The following RUNX2 variants were observed in gnomAD, a reference collection of about 807,000 sequenced individuals.
RUNX2 encodes the protein runt-related transcription factor 2.
In RUNX2, 10 loss-of-function variants were observed where a neutral mutation model predicts 51.7. That is an observed-to-expected ratio of 0.19 (90% CI 0.12 to 0.33). RUNX2 has a LOEUF of 0.33. Ranked by LOEUF, RUNX2 falls within the 10% of genes least tolerant of loss-of-function variation. The probability of loss-of-function intolerance (pLI) is 1.00; values close to 1 mark genes in which losing one functional copy is unlikely to be tolerated. For synonymous variants in RUNX2, 276 were observed against 273.6 expected, an observed-to-expected ratio of 1.01 and a Z score of -0.09; for missense variants, 562 against 691.3, an observed-to-expected ratio of 0.81 and a Z score of 2.10.
chr6:45,372,220 T>C (rs1796164151), intron 2 of RUNX2, among the ~76,000 whole-genome samples: 2 of 152,182 alleles, frequency 1.3e-5, no homozygotes, highest in South Asian at 4.1e-4. Context: ...ACTGCCTCAG[T>C]TCCCTCATCT....
chr6:45,413,017 C>T (rs1797984564), intron 2 of RUNX2, among the ~76,000 whole-genome samples: 1 of 152,162 alleles, frequency 6.6e-6, no homozygotes, highest in African/African-American at 2.4e-5. Context: ...TCCCAAAGTG[C>T]TGGGATTACA....
chr6:45,485,666 GAT>G lies in RUNX2; in HGVS notation c.686-6272_686-6271del, dbSNP rs1466010786. On this transcript the variant is annotated intron_variant, in intron 5 of 8. Transcript: ENST00000647337. ...ATAAGCGTATATATATGTGTGCATGGATATGTATGTGTGTGTGTGTGTGTGTG... is the reference window on the plus strand; with the variant it reads ...ATAAGCGTATATATATGTGTGCATGGATGTATGTGTGTGTGTGTGTGTGTG... 4.0e-3 allele frequency among the ~76,000 whole-genome samples: 422 copies of G among 105,500 alleles called. 13 individuals are homozygous for G. In the East Asian group the frequency reaches 0.06, roughly 15 times the overall value. 69.2% of individuals were successfully genotyped at this position (105,500 alleles called of 152,430 possible). A position where few individuals can be genotyped will look rare whatever the true frequency, so the allele number is the denominator to read the frequency against.
chr6:45,386,968 G>A (rs1437962895), intron 2 of RUNX2, among the ~76,000 whole-genome samples: 1 of 152,162 alleles, frequency 6.6e-6, no homozygotes, highest in Admixed American at 6.5e-5. Flanking sequence ...GTGTAAGACA[G>A]GTTGGAAGGG....
At chr6:45,368,828 A>T (rs1795572957) in intron 2 of RUNX2, among the ~76,000 whole-genome samples, 1 of 152,172 alleles carries the variant, frequency 6.6e-6, no homozygotes, top group African/African-American at 2.4e-5. Flanking sequence ...AAACTTTTAT[A>T]ATTAGAACAT....
At chr6:45,404,856 A>G (rs923544599) in intron 2 of RUNX2, among the ~76,000 whole-genome samples, 1 of 152,272 alleles carries the variant, frequency 6.6e-6, no homozygotes, top group Non-Finnish European at 1.5e-5. Flanking sequence ...CAGATAGGCT[A>G]TGAGTTATAA....
intron 7 of RUNX2, among the ~76,000 whole-genome samples, chr6:45,544,152 A>G (rs764923199): frequency 2.8e-4 from 43 of 152,112 alleles, no homozygotes; most frequent in Non-Finnish European, 5.3e-4. Flanking sequence ...GTCCATTCTC[A>G]AGACATTAAG....
At chr6:45,516,945 AG>A (rs1370666181) in intron 7 of RUNX2, among the ~76,000 whole-genome samples, 1 of 149,462 alleles carries the variant, frequency 6.7e-6, no homozygotes, top group East Asian at 1.9e-4. Flanking sequence ...GAGCTTACAC[AG>A]GTTTTTTTTT....
intron 2 of RUNX2, among the ~76,000 whole-genome samples, chr6:45,414,988 T>G (rs1798035728): frequency 6.6e-6 from 1 of 152,088 alleles, no homozygotes; most frequent in Non-Finnish European, 1.5e-5. Context: ...CTTTAAAATA[T>G]ATGTCCTCTA....
intron 2 of RUNX2, among the ~76,000 whole-genome samples, chr6:45,373,942 A>G (rs867136400): frequency 3.2e-4 from 49 of 152,326 alleles, no homozygotes; most frequent in African/African-American, 9.1e-4. Flanking sequence ...AAATTTACAC[A>G]ACAATTTTTG....
At position 45,399,349 on chromosome 6, in the gene RUNX2, C is replaced by CTTTTTTTTTTTTT. The variant is rs398048486; in HGVS notation, c.59-23228_59-23216dup. 7.8e-4 allele frequency among the ~76,000 whole-genome samples: 45 copies of CTTTTTTTTTTTTT among 57,378 alleles called. 10 individuals are homozygous for CTTTTTTTTTTTTT. The highest frequency in any genetic ancestry group is 0.013 in the Middle Eastern group (1 of 76). 37.6% of individuals were successfully genotyped at this position (57,378 alleles called of 152,430 possible). ...CTTTCTCATTTCTTTCTTTTCTTTCCTTTTTTTTTTTTTTTTTTTTTTTTT... is the reference window on the plus strand; with the variant it reads ...CTTTCTCATTTCTTTCTTTTCTTTCCTTTTTTTTTTTTTTTTTTTTTTTTTTTTTTTTTTTTTT... On this transcript the variant is annotated intron_variant, in intron 2 of 8. Transcript: ENST00000647337.
intron 6 of RUNX2, among the ~76,000 whole-genome samples, chr6:45,492,814 C>T (rs908863180): frequency 6.6e-6 from 1 of 152,118 alleles, no homozygotes; most frequent in African/African-American, 2.4e-5. Context: ...TTTAAAGACT[C>T]GTTTGAATGC....
chr6:45,520,307 T>G (rs1801466419), intron 7 of RUNX2, among the ~76,000 whole-genome samples: 1 of 152,222 alleles, frequency 6.6e-6, no homozygotes, highest in Non-Finnish European at 1.5e-5. Context: ...TGTCACCAAA[T>G]GGTTTTCTGT....
At chr6:45,437,187 G>A (rs1174507447) in intron 4 of RUNX2, among the ~76,000 whole-genome samples, 4 of 152,142 alleles carry the variant, frequency 2.6e-5, no homozygotes, top group South Asian at 2.1e-4. Flanking sequence ...TGAAGCATCA[G>A]ATGTAATATT....
At chr6:45,443,038 T>C (rs62400355) in intron 5 of RUNX2, among the ~76,000 whole-genome samples, 8 of 18,808 alleles carry the variant, frequency 4.3e-4, no homozygotes, top group Admixed American at 6.0e-4. Flanking sequence ...AGGCCTTGCT[T>C]TTTTTTTTTT....
At chr6:45,418,929 A>G (rs1263893964) in intron 2 of RUNX2, among the ~76,000 whole-genome samples, 2 of 152,240 alleles carry the variant, frequency 1.3e-5, no homozygotes, top group African/African-American at 4.8e-5. Context: ...ATACTGAGAA[A>G]GGCCATAAAG....
At chr6:45,431,800 A>G in intron 3 of RUNX2, 63 bp from the exon 4 acceptor site, 1 of 1,549,468 alleles carries the variant, frequency 6.5e-7, no homozygotes, top group Non-Finnish European at 8.9e-7. Context: ...CAATGAGAAT[A>G]TATTCTGTTT....
rs75205081 is a variant in RUNX2 at position 45,430,518 on chromosome 6, G to A, written c.424-1345G>A. Among the ~76,000 whole-genome samples, 446 of 152,286 alleles carry A rather than the reference G, an allele frequency of 2.9e-3. 10 individuals are homozygous for A. In the East Asian group the frequency reaches 0.07, roughly 24 times the overall value. ...CTGGAGGAGAGGACATAGTGAAGGC[G>A]TGTTGCAGTAGGGTTCATGGATGGG... is the stretch of plus-strand genomic sequence containing the variant. On this transcript the variant is annotated intron_variant, in intron 3 of 8. Transcript: ENST00000647337.
rs1046616703 is a variant in RUNX2 at position 45,477,274 on chromosome 6, C to T, written c.686-14667C>T. Among the ~76,000 whole-genome samples the T allele has an allele frequency of 2.0e-5, 3 of 152,200 alleles. No homozygotes were observed. The South Asian group carries it at 6.2e-4, about 31-fold the overall frequency. ...TCCCTTTTAGACACTTTTCTCCACTCGTTCTGTACCCATTCCCTGAGTGTC... is the reference window on the plus strand; with the variant it reads ...TCCCTTTTAGACACTTTTCTCCACTTGTTCTGTACCCATTCCCTGAGTGTC... On this transcript the variant is annotated intron_variant, in intron 5 of 8. Coordinates refer to ENST00000647337, the MANE Select transcript of RUNX2 (RefSeq NM_001024630.4).
At chr6:45,423,998 T>A (rs905570287) in intron 3 of RUNX2, among the ~76,000 whole-genome samples, 1 of 152,268 alleles carries the variant, frequency 6.6e-6, no homozygotes, top group East Asian at 1.9e-4. Flanking sequence ...GCTTTATTAT[T>A]ATTTTTAAAG....
Sources: gnomAD v4.1 joint callset for allele counts (sites outside exome capture counted in the v4.1 genomes callset) on GRCh38, gnomAD v4.1.1 for gene constraint, MANE v1.5 for transcripts, NCBI Gene and HGNC (gene_info 2026-07-23, HGNC 2026-07-21) for gene names.